Variants in NRIP2 observed in about 807,000 individuals in gnomAD.
The protein encoded by NRIP2 is nuclear receptor-interacting protein 2.
Under a neutral mutation model 34.1 loss-of-function variants are expected in NRIP2, and 27 were observed. The observed-to-expected ratio is 0.79, with a 90% confidence interval of 0.58 to 1.09. NRIP2 has a LOEUF of 1.09. NRIP2 is among the 50% of genes least tolerant of loss of function. NRIP2 has a pLI of 0.00. For synonymous variants in NRIP2, 145 were observed against 146.9 expected, an observed-to-expected ratio of 0.99 and a Z score of 0.09; for missense variants, 385 against 352.6, an observed-to-expected ratio of 1.09 and a Z score of -0.74.
In NRIP2 at chr12:2,826,776, G is replaced by C. The variant is rs2097969342; in HGVS notation, c.*431C>G. The C allele has an allele frequency of 4.6e-6, 1 of 217,966 alleles. No homozygotes were observed. Among genetic ancestry groups the C allele is most frequent in the Non-Finnish European group, 9.0e-6 (1 of 111,242 alleles). 13.5% of individuals were successfully genotyped at this position (217,966 alleles called of 1,614,324 possible). A position where few individuals can be genotyped will look rare whatever the true frequency, so the allele number is the denominator to read the frequency against. ...GAGGCATGGCGGTCTAGTTGTGGGA[G>C]ATAATGAGGCCCAGAAGGTGTGGTG... On this transcript the variant is annotated 3_prime_UTR_variant, in exon 6 of 6. Coordinates refer to ENST00000337508, the MANE Select transcript of NRIP2 (RefSeq NM_031474.3).
intron 2 of NRIP2, among the ~76,000 whole-genome samples, 163 bp from the exon 3 acceptor site, chr12:2,828,577 C>T (rs1273283396): frequency 6.6e-6 from 1 of 152,154 alleles, no homozygotes; most frequent in East Asian, 1.9e-4. Flanking sequence ...CGGTAGCTCA[C>T]GCCTGTAATC....
chr12:2,834,977 A>G lies in NRIP2; in HGVS notation c.7T>C (p.Phe3Leu). The G allele has an allele frequency of 1.3e-6, 2 of 1,577,776 alleles. No homozygotes were observed. Among genetic ancestry groups the G allele is most frequent in the African/African-American group, 2.7e-5 (2 of 73,584 alleles). ML[F>L]IFPLSLPWRP... ...CACGGGAGGGAAAGAGGAAAAATAA[A>G]TAACATGCAGGAGCAGCCGCGTCAG... Residue 3 changes from phenylalanine to leucine, a missense_variant, in exon 1 of 6, where the codon TTT becomes CTT. By Grantham distance (22) the Phe-to-Leu change is conservative (BLOSUM62 0). Transcript: ENST00000337508.
rs772073548 is a variant in NRIP2, at chr12:2,830,733, A to G, written c.470T>C (p.Ile157Thr). The change falls in exon 2 of 6, where the codon ATT becomes ACT. Residue 157 changes from isoleucine (I) to threonine (T), a missense_variant. Ile to Thr is a moderately conservative substitution (Grantham distance 89). Coordinates refer to ENST00000337508, the MANE Select transcript of NRIP2 (RefSeq NM_031474.3). ...CTTGCAGTTGACCAGAAGAGCTGGA[A>G]TCTCTGTCCTGCTGGTCTTCCTCCT... ...ESRRKTSRTE[I>T]PALLVNCKCQ... is the part of the protein sequence containing the mutation. The G allele has an allele frequency of 1.9e-6, 3 of 1,612,948 alleles. No individual in the cohort carries two copies. The highest frequency in any genetic ancestry group is 2.5e-6 in the Non-Finnish European group (3 of 1,179,584).
At chr12:2,830,633 G>A (rs1178009171) in intron 2 of NRIP2, 75 bp downstream of exon 2, 2 of 1,483,490 alleles carry the variant, frequency 1.3e-6, no homozygotes, top group East Asian at 2.4e-5. Flanking sequence ...CATCAGGGCA[G>A]AGCAGAAAGG....
intron 2 of NRIP2, among the ~76,000 whole-genome samples, chr12:2,829,096 A>G (rs891268107): frequency 7.2e-5 from 11 of 152,166 alleles, no homozygotes; most frequent in African/African-American, 2.4e-4. Flanking sequence ...AGTTTGGGGA[A>G]GATCTGCCAG....
chr12:2,827,071 A>G lies in NRIP2; in HGVS notation c.*136T>C, dbSNP rs1018092659. On this transcript the variant is annotated 3_prime_UTR_variant, in exon 6 of 6. Coordinates refer to ENST00000337508, the MANE Select transcript of NRIP2 (RefSeq NM_031474.3). The surrounding 1 kb of genome is among the most constrained non-coding windows in gnomAD (Gnocchi z 4.0). The stretch of plus-strand genomic sequence containing the variant: ...AATGCGGCCAGCTGGGGAAAATGGG[A>G]CAGCAGGGGTCAGGGAGGTGATTGG... The G allele has an allele frequency of 3.3e-6, 5 of 1,496,014 alleles. No individual in the cohort carries two copies. Among genetic ancestry groups the G allele is most frequent in the Admixed American group, 5.1e-5 (2 of 39,174 alleles). The allele number at this position is 1,496,014 out of a possible 1,614,324, so 92.7% of individuals were successfully genotyped here. A position where few individuals can be genotyped will look rare whatever the true frequency, so the allele number is the denominator to read the frequency against.
At chr12:2,828,968 G>A (rs1359424260) in intron 2 of NRIP2, among the ~76,000 whole-genome samples, 1 of 152,068 alleles carries the variant, frequency 6.6e-6, no homozygotes, top group Non-Finnish European at 1.5e-5. Flanking sequence ...GCACTTTGGA[G>A]GCAAGAGGAT....
rs200802666 is a variant in NRIP2 at position 2,828,338 on chromosome 12, C to A, written c.572G>T (p.Arg191Leu). The A allele has an allele frequency of 2.5e-6, 4 of 1,614,010 alleles. No homozygotes were observed. The South Asian group carries it at 4.4e-5, about 18-fold the overall frequency. The change falls in exon 3 of 6, where the codon CGC (arginine) becomes CTC (leucine). Residue 191 changes from arginine (R) to leucine (L), a missense_variant. Physicochemically the swap from Arg to Leu is moderately radical, Grantham distance 102. Transcript: ENST00000337508. ...YNRISAGCLS[R>L]LGLEKRVLKA... Reference sequence around the variant, plus strand: ...GTTTGGGCCACATTCTTACCCCAGGCGGCTGAGACATCCAGCAGAGATCCG... The same window carrying A: ...GTTTGGGCCACATTCTTACCCCAGGAGGCTGAGACATCCAGCAGAGATCCG...
intron 2 of NRIP2, among the ~76,000 whole-genome samples, chr12:2,829,351 A>G (rs571639627): frequency 2.1e-4 from 32 of 152,254 alleles, no homozygotes; most frequent in Non-Finnish European, 4.1e-4. Context: ...CTCATTCCAA[A>G]CATTCATTGA....
chr12:2,830,486 AG>A (rs1262556293), intron 2 of NRIP2: 12 of 488,404 alleles, frequency 2.5e-5, no homozygotes, highest in African/African-American at 5.9e-5. Flanking sequence ...TGACCAAGGA[AG>A]GGGGGCAGAG....
chr12:2,830,458 AATTT>A (rs774110886), intron 2 of NRIP2: 26 of 435,498 alleles, frequency 6.0e-5, no homozygotes, highest in Non-Finnish European at 1.0e-4. Context: ...GTACTTACTT[AATTT>A]AAGTATTGTA....
intron 1 of NRIP2, among the ~76,000 whole-genome samples, chr12:2,833,873 C>T (rs189547130): frequency 7.7e-4 from 117 of 152,308 alleles, no homozygotes; most frequent in African/African-American, 2.2e-3. Context: ...GGCACAGAGA[C>T]GTAAAGTCAA....
In NRIP2 at chr12:2,826,853, A is replaced by G. The variant is rs976457772; in HGVS notation, c.*354T>C. 4.7e-6 allele frequency: 2 copies of G among 422,404 alleles called. No individual in the cohort carries two copies. Among genetic ancestry groups the G allele is most frequent in the South Asian group, 3.0e-5 (1 of 32,968 alleles). 26.2% of individuals were successfully genotyped at this position (422,404 alleles called of 1,614,324 possible). On this transcript the variant is annotated 3_prime_UTR_variant, in exon 6 of 6. Transcript: ENST00000337508. ...GTTGTGTTTGGGGTGGTATTGGGTG[A>G]TGGACAAGGACAGCAGTCAGCAGAG...
At chr12:2,831,623 G>C (rs984597781) in intron 1 of NRIP2, among the ~76,000 whole-genome samples, 1 of 151,858 alleles carries the variant, frequency 6.6e-6, no homozygotes, top group Non-Finnish European at 1.5e-5. Flanking sequence ...TAAGAACTAG[G>C]ATGCTGGGAG....
chr12:2,828,205 CTT>C (rs2153925737), intron 3 of NRIP2, 125 bp downstream of exon 3: 2 of 1,161,920 alleles, frequency 1.7e-6, no homozygotes, highest in East Asian at 4.7e-5. Context: ...TCTAGCCACT[CTT>C]TTGTTAAATA....
At position 2,827,930 on chromosome 12, in the gene NRIP2, C is replaced by T; in HGVS notation, c.696G>A (p.Val232=). 1 of 1,614,074 alleles carries T rather than the reference C, an allele frequency of 6.2e-7. No homozygotes were observed. The highest frequency in any genetic ancestry group is 8.5e-7 in the Non-Finnish European group (1 of 1,180,036). Residue 232 remains valine (V), a synonymous_variant, in exon 4 of 6, where the codon GTG becomes GTA. Transcript: ENST00000337508. This position sits in a 1 kb window ranked among gnomAD's most constrained non-coding sequence, Gnocchi z 4.0. The part of the protein sequence containing the change: ...GQETVVCSAQ[V]VDAESPEFCL... The stretch of plus-strand genomic sequence containing the variant: ...GTTGCAGAAGGGGGGACTTACCCAC[C>T]ACCTGTGCCGAGCACACCACAGTCT...
chr12:2,830,261 TAGA>T (rs1286956748), intron 2 of NRIP2: 5 of 153,098 alleles, frequency 3.3e-5, no homozygotes, highest in South Asian at 4.1e-4. Context: ...GCAATCCACA[TAGA>T]AGAAGCACAG....
chr12:2,827,767 C>T lies in NRIP2; in HGVS notation c.701-90G>A, dbSNP rs1451721808. On this transcript the variant is annotated intron_variant, in intron 4 of 5. Transcript: ENST00000337508. This position sits in a 1 kb window ranked among gnomAD's most constrained non-coding sequence, Gnocchi z 4.0. ...TAGCCGTTGCTCCTTCTCTGCCCAC[C>T]CCATCCCCAGATCCGAGGACACTGG... is the stretch of plus-strand genomic sequence containing the variant. The T allele has an allele frequency of 6.2e-7, 1 of 1,609,266 alleles. No individual in the cohort carries two copies. The highest frequency in any genetic ancestry group is 1.3e-5 in the African/African-American group (1 of 74,786).
intron 2 of NRIP2, among the ~76,000 whole-genome samples, chr12:2,829,897 G>C (rs1055342742): frequency 6.6e-6 from 1 of 152,044 alleles, no homozygotes; most frequent in African/African-American, 2.4e-5. Flanking sequence ...GACCAACCTG[G>C]AGAAACCCCA....
Sources: gnomAD v4.1 joint callset for allele counts (sites outside exome capture counted in the v4.1 genomes callset) on GRCh38, gnomAD v4.1.1 for gene constraint, Gnocchi (gnomAD v3.1) non-coding constraint, MANE v1.5 for transcripts, NCBI Gene and HGNC (gene_info 2026-07-23, HGNC 2026-07-21) for gene names.